Variants in AIM2 observed in about 807,000 individuals in gnomAD.
AIM2 encodes absent in melanoma 2.
AIM2 carries 30 observed loss-of-function variants against 27.7 expected under a neutral mutation model. The ratio of observed to expected loss-of-function variants is 1.08; its 90% CI spans 0.81 to 1.47. The LOEUF is 1.47. AIM2 is among the 40% of genes most tolerant of loss of function. The pLI, the probability that AIM2 is intolerant of heterozygous loss-of-function variation, is 0.00. For missense variants in AIM2, 358 were observed against 411.3 expected (o/e 0.87, Z 1.12); for synonymous variants, 141 against 145.3 (o/e 0.97, Z 0.21).
chr1:159,089,138 C>A (rs776844034), intron 1 of AIM2, among the ~76,000 whole-genome samples: 1 of 152,158 alleles, frequency 6.6e-6, no homozygotes, highest in Non-Finnish European at 1.5e-5. Flanking sequence ...GAAAAAGAGA[C>A]CATTTCTGGC....
downstream of AIM2, among the ~76,000 whole-genome samples, chr1:159,062,260 A>G (rs1402724405): frequency 6.6e-6 from 1 of 152,230 alleles, no homozygotes; most frequent in Non-Finnish European, 1.5e-5. Context: ...GACAAAATAT[A>G]CATCTTTAAT....
At chr1:159,081,647 C>G (rs1489304888), upstream of AIM2, 2 of 293,406 alleles carry the variant, frequency 6.8e-6, no homozygotes, top group Non-Finnish European at 1.4e-5. Context: ...GTAACACATT[C>G]AAAGTGCAGT....
rs16841687 is a variant in AIM2 at position 159,100,615 on chromosome 1, A to G, written c.-15-34286T>C. ...GTTGGCATTAGTCTCTAGAGTCTAG[A>G]AAGTCTATAATGTTCCTTTACAACA... is the stretch of plus-strand genomic sequence containing the variant. On this transcript the variant is annotated intron_variant, in intron 1 of 2. Transcript: ENST00000368129. 2.9e-3 allele frequency among the ~76,000 whole-genome samples: 443 copies of G among 152,372 alleles called. 3 individuals are homozygous for G. Among genetic ancestry groups the G allele is most frequent in the African/African-American group, 9.9e-3 (412 of 41,586 alleles).
chr1:159,115,259 C>T lies in AIM2; in HGVS notation c.-16+25172G>A, dbSNP rs1053605357. Among the ~76,000 whole-genome samples, 49 of 152,220 alleles carry T rather than the reference C, an allele frequency of 3.2e-4. 1 individual carries two copies. The highest frequency in any genetic ancestry group is 4.4e-5 in the Non-Finnish European group (3 of 68,030). On this transcript the variant is annotated intron_variant, in intron 1 of 2. Coordinates refer to the AIM2 transcript ENST00000368129. The stretch of plus-strand genomic sequence containing the variant: ...ATATCGTGAAAATGGCCATACTGCC[C>T]AAGGTAATTTATAGATTCAATGCCA...
At chr1:159,110,819 A>G (rs567874763) in intron 1 of AIM2, among the ~76,000 whole-genome samples, 12 of 152,314 alleles carry the variant, frequency 7.9e-5, no homozygotes, top group African/African-American at 2.9e-4. Flanking sequence ...TTTAGTGGCT[A>G]AAGTGTCATC....
At chr1:159,146,116 A>G (rs1191834903) in intron 1 of AIM2, among the ~76,000 whole-genome samples, 1 of 152,064 alleles carries the variant, frequency 6.6e-6, no homozygotes, top group Non-Finnish European at 1.5e-5. Flanking sequence ...TCAAAAAAAA[A>G]AAAAAAGAAT....
chr1:159,065,627 T>C (rs1656054747), intron 4 of AIM2, among the ~76,000 whole-genome samples: 1 of 152,190 alleles, frequency 6.6e-6, no homozygotes. Flanking sequence ...ATGTACAAAG[T>C]ACAAAAATAA....
chr1:159,093,744 A>AGG (rs771757971), intron 1 of AIM2, among the ~76,000 whole-genome samples: 2 of 151,448 alleles, frequency 1.3e-5, no homozygotes, highest in Non-Finnish European at 2.9e-5. Context: ...AGAGAGAGAG[A>AGG]GAGAGAGAGA....
intron 1 of AIM2, among the ~76,000 whole-genome samples, chr1:159,105,908 G>T (rs927393861): frequency 6.6e-6 from 1 of 152,090 alleles, no homozygotes. Context: ...CATGCTTCGG[G>T]CCATCCTTGG....
chr1:159,117,551 T>C (rs766445431), intron 1 of AIM2, among the ~76,000 whole-genome samples: 1 of 152,202 alleles, frequency 6.6e-6, no homozygotes, highest in African/African-American at 2.4e-5. Context: ...AATTATTGAC[T>C]CTTTCTCCTA....
chr1:159,057,037 C>CT, the AIM2 span, among the ~76,000 whole-genome samples: 1 of 152,138 alleles, frequency 6.6e-6, no homozygotes, highest in Admixed American at 6.5e-5. Flanking sequence ...GCAGGCATCC[C>CT]TGGTTCCCGT....
At chr1:159,090,617 C>T (rs568803891) in intron 1 of AIM2, among the ~76,000 whole-genome samples, 95 of 152,258 alleles carry the variant, frequency 6.2e-4, no homozygotes, top group African/African-American at 2.2e-3. Flanking sequence ...CAAAACTTTA[C>T]CTTAAGGTGA....
intron 1 of AIM2, among the ~76,000 whole-genome samples, chr1:159,084,814 CATACAG>C (rs142026406): frequency 6.9e-4 from 97 of 139,712 alleles, no homozygotes; most frequent in African/African-American, 1.9e-3. Context: ...CACACACACA[CATACAG>C]ACACACACAC....
intron 1 of AIM2, among the ~76,000 whole-genome samples, chr1:159,095,708 G>A (rs547382963): frequency 6.6e-6 from 1 of 152,298 alleles, no homozygotes; most frequent in South Asian, 2.1e-4. Context: ...TATAAAGGAT[G>A]CTTGGAAATC....
chr1:159,076,284 G>C lies in AIM2; in HGVS notation c.-21+349C>G, dbSNP rs538415369. On this transcript the variant is annotated intron_variant, in intron 1 of 5. Transcript: ENST00000368130. Reference sequence around the variant, plus strand: ...ATGTGATTGACTCAGTTTTTTCTCTGAAGTTATGTTGCCTTATAAATGAAA... The same window carrying C: ...ATGTGATTGACTCAGTTTTTTCTCTCAAGTTATGTTGCCTTATAAATGAAA... 5.9e-5 allele frequency among the ~76,000 whole-genome samples: 9 copies of C among 152,214 alleles called. No individual in the cohort carries two copies. The East Asian group carries it at 1.7e-3, about 29-fold the overall frequency.
chr1:159,143,761 C>G (rs909897384), upstream of AIM2, among the ~76,000 whole-genome samples: 1 of 152,194 alleles, frequency 6.6e-6, no homozygotes. Context: ...AGCTCTCCAA[C>G]TCCCTCCAGG....
At chr1:159,144,069 A>G (rs1648162003), upstream of AIM2, among the ~76,000 whole-genome samples, 1 of 152,158 alleles carries the variant, frequency 6.6e-6, no homozygotes, top group Non-Finnish European at 1.5e-5. Flanking sequence ...CTGATCTTCC[A>G]TTTCTTTATT....
chr1:159,073,151 G>T, intron 2 of AIM2, 87 bp downstream of exon 2: 2 of 1,520,862 alleles, frequency 1.3e-6, no homozygotes. Flanking sequence ...AATGTGCACT[G>T]GGGGTCATAT....
At chr1:159,140,808 A>G (rs1648097020), upstream of AIM2, among the ~76,000 whole-genome samples, 2 of 152,208 alleles carry the variant, frequency 1.3e-5, no homozygotes, top group African/African-American at 4.8e-5. Flanking sequence ...ACGCGGGAGG[A>G]GAGAGGTGGT....
Sources: gnomAD v4.1 joint callset for allele counts (sites outside exome capture counted in the v4.1 genomes callset) on GRCh38, gnomAD v4.1.1 for gene constraint, MANE v1.5 for transcripts, NCBI Gene and HGNC (gene_info 2026-07-23, HGNC 2026-07-21) for gene names.